The following ZNF804B variants were observed in gnomAD, a reference collection of about 807,000 sequenced individuals.
The protein encoded by ZNF804B is zinc finger 804B.
Under a neutral mutation model 101.4 loss-of-function variants are expected in ZNF804B, and 80 were observed. The observed-to-expected ratio is 0.79, with a 90% confidence interval of 0.66 to 0.95. The LOEUF is 0.95. Among genes scored for constraint, ZNF804B ranks in the 40% least tolerant of loss-of-function variants. The pLI is 0.00. For missense variants in ZNF804B, 1,673 were observed against 1,561.9 expected (o/e 1.07, Z -1.20); for synonymous variants, 622 against 558.8 (o/e 1.11, Z -1.59).
At chr7:89,124,704 A>G (rs1790454290) in intron 1 of ZNF804B, among the ~76,000 whole-genome samples, 1 of 152,192 alleles carries the variant, frequency 6.6e-6, no homozygotes, top group Non-Finnish European at 1.5e-5. Context: ...GTCTGCAGGT[A>G]AATGTGGAAA....
At chr7:88,840,169 C>A (rs1791274697) in intron 1 of ZNF804B, among the ~76,000 whole-genome samples, 1 of 152,138 alleles carries the variant, frequency 6.6e-6, no homozygotes, top group African/African-American at 2.4e-5. Context: ...AGGCAGAGTT[C>A]TGCAGCCTTC....
intron 1 of ZNF804B, among the ~76,000 whole-genome samples, chr7:88,945,556 T>C (rs1793115883): frequency 6.6e-6 from 1 of 151,882 alleles, no homozygotes; most frequent in Non-Finnish European, 1.5e-5. Context: ...TTGCTGAGGA[T>C]TGCCTTGGCT....
At chr7:88,926,855 G>GCTAAAAAA (rs1792807627) in intron 1 of ZNF804B, among the ~76,000 whole-genome samples, 1 of 148,998 alleles carries the variant, frequency 6.7e-6, no homozygotes, top group African/African-American at 2.5e-5. Flanking sequence ...TAGCAATTGT[G>GCTAAAAAA]TAGACTTTTT....
intron 1 of ZNF804B, among the ~76,000 whole-genome samples, chr7:88,884,708 C>T (rs1327475339): frequency 2.6e-5 from 4 of 151,634 alleles, no homozygotes; most frequent in African/African-American, 7.3e-5. Flanking sequence ...ATATCATTTA[C>T]CTAGTAAATT....
At chr7:88,847,178 A>G (rs190461244) in intron 1 of ZNF804B, among the ~76,000 whole-genome samples, 2 of 151,954 alleles carry the variant, frequency 1.3e-5, no homozygotes, top group African/African-American at 4.8e-5. Flanking sequence ...ATATTAATAT[A>G]TATCAATGAA....
At chr7:88,789,133 CAAAG>C (rs1463747769) in intron 1 of ZNF804B, among the ~76,000 whole-genome samples, 1 of 152,002 alleles carries the variant, frequency 6.6e-6, no homozygotes, top group African/African-American at 2.4e-5. Context: ...TAAAATGTAT[CAAAG>C]TTGGTCTTTC....
intron 1 of ZNF804B, among the ~76,000 whole-genome samples, chr7:89,153,429 G>GATGATA (rs1468701346): frequency 1.7e-4 from 25 of 145,536 alleles, no homozygotes; most frequent in South Asian, 8.7e-4. Flanking sequence ...TGATGATGAT[G>GATGATA]ATAATAATAA....
At chr7:89,070,267 A>G (rs1281873445) in intron 1 of ZNF804B, among the ~76,000 whole-genome samples, 2 of 152,216 alleles carry the variant, frequency 1.3e-5, no homozygotes, top group African/African-American at 2.4e-5. Context: ...TTGAGAGAAC[A>G]GCAAATGCAA....
chr7:88,905,895 CTTTT>C (rs58138257), intron 1 of ZNF804B, among the ~76,000 whole-genome samples: 60 of 81,684 alleles, frequency 7.3e-4, no homozygotes, highest in East Asian at 1.5e-3. Flanking sequence ...TGGGTTGAGG[CTTTT>C]TTTTTTTTTT....
intron 1 of ZNF804B, among the ~76,000 whole-genome samples, chr7:89,009,292 C>T (rs567962368): frequency 6.6e-6 from 1 of 152,224 alleles, no homozygotes; most frequent in South Asian, 2.1e-4. Flanking sequence ...TCTAATCATT[C>T]TCAATATGTG....
At chr7:89,179,258 A>G (rs1193401681) in intron 1 of ZNF804B, among the ~76,000 whole-genome samples, 2 of 152,080 alleles carry the variant, frequency 1.3e-5, no homozygotes, top group African/African-American at 4.8e-5. Context: ...TTCTACTCCA[A>G]TCTCTCTACT....
chr7:89,175,409 G>T (rs556919490), intron 1 of ZNF804B, among the ~76,000 whole-genome samples: 53 of 151,838 alleles, frequency 3.5e-4, no homozygotes, highest in African/African-American at 1.3e-3. Context: ...TTTTTTCCGG[G>T]TGCTCCATTC....
chr7:88,817,518 T>C (rs1790904300), intron 1 of ZNF804B, among the ~76,000 whole-genome samples: 1 of 152,054 alleles, frequency 6.6e-6, no homozygotes, highest in South Asian at 2.1e-4. Flanking sequence ...ACAGAAAAGA[T>C]TATTAGTGAC....
rs555592077 is a variant in ZNF804B at position 88,783,784 on chromosome 7, T to C, written c.108+23700T>C. Among the ~76,000 whole-genome samples the C allele has an allele frequency of 5.9e-5, 9 of 152,204 alleles. No homozygotes were observed. The East Asian group carries it at 1.7e-3, about 29-fold the overall frequency. On this transcript the variant is annotated intron_variant, in intron 1 of 3. Coordinates refer to ENST00000333190, the MANE Select transcript of ZNF804B (RefSeq NM_181646.5). Reference sequence around the variant, plus strand: ...GAAGTTACTGCAACATAAAATGTGATATAAACGGTAGAACATAGTAGGAAA... The same window carrying C: ...GAAGTTACTGCAACATAAAATGTGACATAAACGGTAGAACATAGTAGGAAA...
intron 1 of ZNF804B, among the ~76,000 whole-genome samples, chr7:88,872,918 C>T (rs534914373): frequency 0.014 from 2,095 of 151,586 alleles, 48 homozygotes; most frequent in African/African-American, 0.048. Flanking sequence ...TGAATAATGC[C>T]GCAATAAATA....
intron 1 of ZNF804B, among the ~76,000 whole-genome samples, chr7:88,919,734 C>CT (rs142614420): frequency 0.015 from 2,270 of 152,184 alleles, 55 homozygotes; most frequent in African/African-American, 0.051. Context: ...CGTAGCATTT[C>CT]TTAAACTGCA....
chr7:89,334,931 A>G lies in ZNF804B; in HGVS notation c.1949A>G (p.Asp650Gly). The G allele has an allele frequency of 6.2e-7, 1 of 1,613,914 alleles. No homozygotes were observed. Among genetic ancestry groups the G allele is most frequent in the Non-Finnish European group, 8.5e-7 (1 of 1,179,888 alleles). Residue 650 changes from aspartate to glycine, a missense_variant, in exon 4 of 4, where the codon GAT becomes GGT. Asp to Gly is a moderately conservative substitution (Grantham distance 94, BLOSUM62 -1). Transcript: ENST00000333190. ...TGCAGTCCTCATTTGGAATTTGAAG[A>G]TGAAAGACAATTCAACTGCAAGTCC... ...IPCSPHLEFEDERQFNCKSSP... is the reference protein window; with the variant it reads ...IPCSPHLEFEGERQFNCKSSP...
chr7:89,219,751 A>G (rs1455483249), intron 2 of ZNF804B, among the ~76,000 whole-genome samples: 1 of 151,352 alleles, frequency 6.6e-6, no homozygotes, highest in African/African-American at 2.4e-5. Context: ...TAAGTCTTGT[A>G]TACTCTATCT....
chr7:89,297,566 A>G (rs1389946724), intron 2 of ZNF804B, among the ~76,000 whole-genome samples: 1 of 152,106 alleles, frequency 6.6e-6, no homozygotes, highest in African/African-American at 2.4e-5. Context: ...AATATGCTGC[A>G]GAACTTTGAC....
Sources: gnomAD v4.1 joint callset for allele counts (sites outside exome capture counted in the v4.1 genomes callset) on GRCh38, gnomAD v4.1.1 for gene constraint, MANE v1.5 for transcripts, NCBI Gene and HGNC (gene_info 2026-07-23, HGNC 2026-07-21) for gene names.